Variants in RECK observed in about 807,000 individuals in gnomAD.
RECK encodes the protein reversion inducing cysteine rich protein with kazal motifs.
RECK carries 69 observed loss-of-function variants against 115.1 expected under a neutral mutation model. The observed-to-expected ratio is 0.60, with a 90% CI of 0.49 to 0.73. The LOEUF is 0.73. Ranked by LOEUF, RECK falls within the 30% of genes least tolerant of loss-of-function variation. RECK has a pLI of 0.00. For synonymous variants in RECK, 414 were observed against 419.7 expected (o/e 0.99, Z 0.17); for missense variants, 1,047 against 1,203.7 (o/e 0.87, Z 1.93).
intron 12 of RECK, among the ~76,000 whole-genome samples, chr9:36,104,069 T>A (rs1264675407): frequency 6.6e-6 from 1 of 151,830 alleles, no homozygotes; most frequent in Non-Finnish European, 1.5e-5. Flanking sequence ...ATTTCCGAAG[T>A]TAAATATAAT....
At chr9:36,069,553 T>C (rs886510259) in intron 6 of RECK, among the ~76,000 whole-genome samples, 2 of 149,572 alleles carry the variant, frequency 1.3e-5, no homozygotes. Flanking sequence ...AACAGTATAA[T>C]TGAAATACAA....
At chr9:36,042,164 A>G (rs1564095543) in intron 1 of RECK, among the ~76,000 whole-genome samples, 1 of 151,944 alleles carries the variant, frequency 6.6e-6, no homozygotes, top group South Asian at 2.1e-4. Flanking sequence ...ACCCATCACT[A>G]CAGTGTACCC....
intron 10 of RECK, among the ~76,000 whole-genome samples, chr9:36,099,467 A>G (rs981624526): frequency 6.6e-6 from 1 of 152,172 alleles, no homozygotes; most frequent in Non-Finnish European, 1.5e-5. Context: ...ATTAACATGT[A>G]GTGGGTTTAT....
intron 7 of RECK, 73 bp downstream of exon 7, chr9:36,080,711 A>C: frequency 1.5e-6 from 2 of 1,350,522 alleles, no homozygotes; most frequent in Non-Finnish European, 2.1e-6. Flanking sequence ...TGTGCACAGC[A>C]GGATTCCGAT....
intron 10 of RECK, 104 bp downstream of exon 10, chr9:36,091,447 G>T (rs994589223): frequency 4.4e-6 from 4 of 899,368 alleles, no homozygotes; most frequent in Non-Finnish European, 6.3e-6. Context: ...TTAAAAGAAA[G>T]TCTTCTTTAT....
At chr9:36,105,562 A>G (rs971712174) in intron 13 of RECK, among the ~76,000 whole-genome samples, 7 of 151,872 alleles carry the variant, frequency 4.6e-5, no homozygotes, top group African/African-American at 1.7e-4. Flanking sequence ...CTAAAACTTG[A>G]CTCTCGTGAG....
intron 10 of RECK, among the ~76,000 whole-genome samples, chr9:36,098,552 C>CT (rs1241494804): frequency 2.6e-5 from 4 of 152,066 alleles, no homozygotes; most frequent in Non-Finnish European, 5.9e-5. Flanking sequence ...GGATTTGGAG[C>CT]TTTTTTTCAG....
chr9:36,078,333 C>T (rs756541568), intron 6 of RECK, among the ~76,000 whole-genome samples: 14 of 152,260 alleles, frequency 9.2e-5, no homozygotes, highest in Non-Finnish European at 1.6e-4. Flanking sequence ...CTAAGTGATC[C>T]ACAGGCTGAA....
intron 15 of RECK, 34 bp downstream of exon 15, chr9:36,110,113 G>A (rs1290142455): frequency 6.4e-7 from 1 of 1,567,958 alleles, no homozygotes; most frequent in Non-Finnish European, 8.7e-7. Context: ...GTCCTCAGGG[G>A]CCATCATTTC....
intron 4 of RECK, among the ~76,000 whole-genome samples, chr9:36,061,651 G>A (rs572387826): frequency 3.3e-5 from 5 of 152,232 alleles, no homozygotes; most frequent in South Asian, 4.2e-4. Context: ...AAGTCACAGA[G>A]TTTATGACCT....
rs776458006 is a variant in RECK at position 36,122,974 on chromosome 9, C to A, written c.2845C>A (p.Pro949Thr). The change falls in exon 21 of 21, where the codon CCT becomes ACT. Residue 949 changes from proline (P) to threonine (T), a missense_variant. Coordinates refer to ENST00000377966, the MANE Select transcript of RECK (RefSeq NM_021111.3). The part of the protein sequence containing the change: ...SVPSAGVRAR[P>T]SCHSLLLPLS... ...GCCATCGGCCGGTGTCAGGGCCAGG[C>A]CTTCTTGCCACTCCCTCCTCCTTCC... The A allele has an allele frequency of 1.2e-6, 2 of 1,614,142 alleles. No individual in the cohort carries two copies. The highest frequency in any genetic ancestry group is 1.7e-6 in the Non-Finnish European group (2 of 1,180,038).
At chr9:36,074,109 T>C (rs532693508) in intron 6 of RECK, among the ~76,000 whole-genome samples, 5 of 152,312 alleles carry the variant, frequency 3.3e-5, no homozygotes, top group African/African-American at 1.2e-4. Context: ...AATCCTGGTT[T>C]AAATGGTACC....
intron 11 of RECK, 124 bp downstream of exon 11, chr9:36,100,667 A>G: frequency 4.4e-6 from 3 of 683,658 alleles, no homozygotes. Context: ...CCGTATGTCA[A>G]ATGCTTTCCC....
chr9:36,091,065 C>T (rs958650779), intron 9 of RECK, 99 bp from the exon 10 acceptor site: 2 of 1,034,434 alleles, frequency 1.9e-6, no homozygotes, highest in African/African-American at 1.7e-5. Context: ...TTCTCACATA[C>T]GTTCCAAAGT....
chr9:36,112,206 A>G, intron 15 of RECK, 99 bp from the exon 16 acceptor site: 1 of 986,388 alleles, frequency 1.0e-6, no homozygotes, highest in Non-Finnish European at 1.5e-6. Flanking sequence ...TTTTAACGTG[A>G]GACCTTCACA....
At chr9:36,092,716 A>C (rs1306913088) in intron 10 of RECK, among the ~76,000 whole-genome samples, 1 of 151,816 alleles carries the variant, frequency 6.6e-6, no homozygotes, top group Non-Finnish European at 1.5e-5. Flanking sequence ...GATAGAAACC[A>C]CACTGAGCGA....
intron 16 of RECK, among the ~76,000 whole-genome samples, chr9:36,113,961 G>T (rs548945737): frequency 3.3e-4 from 51 of 152,272 alleles, no homozygotes; most frequent in African/African-American, 1.2e-3. Flanking sequence ...ATTACATAGA[G>T]CCCATTTGTT....
chr9:36,043,506 A>G (rs1445454640), intron 1 of RECK, among the ~76,000 whole-genome samples: 1 of 152,054 alleles, frequency 6.6e-6, no homozygotes, highest in African/African-American at 2.4e-5. Flanking sequence ...TTTGCTGTGC[A>G]GAAGCTTTTT....
chr9:36,087,737 T>C lies in RECK; in HGVS notation c.681T>C (p.Asn227=), dbSNP rs753802613. The change falls in exon 9 of 21, where the codon AAT becomes AAC. Residue 227 remains asparagine (N), a synonymous_variant. Transcript: ENST00000377966. The part of the protein sequence containing the change: ...CDRAEDHACQ[N]ACKRILMSKK... ...GAGCTGAAGACCATGCTTGCCAAAA[T>C]GCCTGCAAGAGAATCCTGATGTCCA... is the stretch of plus-strand genomic sequence containing the variant. 1 of 1,613,988 alleles carries C rather than the reference T, an allele frequency of 6.2e-7. No individual in the cohort carries two copies. Among genetic ancestry groups the C allele is most frequent in the South Asian group, 1.1e-5 (1 of 91,080 alleles).
Sources: gnomAD v4.1 joint callset for allele counts (sites outside exome capture counted in the v4.1 genomes callset) on GRCh38, gnomAD v4.1.1 for gene constraint, MANE v1.5 for transcripts, NCBI Gene and HGNC (gene_info 2026-07-23, HGNC 2026-07-21) for gene names.